The following NKAIN2 variants were observed in gnomAD, a reference collection of about 807,000 sequenced individuals.
NKAIN2 encodes the protein sodium/potassium transporting ATPase interacting 2, also known as sodium/potassium-transporting ATPase subunit beta-1-interacting protein 2.
In NKAIN2, 14 loss-of-function variants were observed where a neutral mutation model predicts 32.6. The ratio of observed to expected loss-of-function variants is 0.43; its 90% CI spans 0.28 to 0.67. NKAIN2 has a LOEUF of 0.67. Among genes scored for constraint, NKAIN2 ranks in the 30% least tolerant of loss-of-function variants. The pLI is 0.17. For synonymous variants in NKAIN2, 80 were observed against 87.2 expected (o/e 0.92, Z 0.46); for missense variants, 198 against 258.3 (o/e 0.77, Z 1.60).
chr6:124,396,846 G>T (rs1773404441), intron 3 of NKAIN2, among the ~76,000 whole-genome samples: 1 of 152,072 alleles, frequency 6.6e-6, no homozygotes, highest in African/African-American at 2.4e-5. Context: ...TTTAAAAGAT[G>T]AATTCTATTT....
chr6:124,563,916 G>A (rs1041046789), intron 3 of NKAIN2, among the ~76,000 whole-genome samples: 2 of 152,104 alleles, frequency 1.3e-5, no homozygotes, highest in African/African-American at 2.4e-5. Context: ...TCCCAGTGGC[G>A]GGAATGCAGC....
rs137927188 is a variant in NKAIN2 at position 124,089,592 on chromosome 6, C to T, written c.55-193413C>T. The stretch of plus-strand genomic sequence containing the variant: ...GTATAATTCATTTCTGCTTCCTTCT[C>T]TATACAACCAAATCAAAGCACAAGA... On this transcript the variant is annotated intron_variant, in intron 1 of 6. Coordinates refer to ENST00000368417, the MANE Select transcript of NKAIN2 (RefSeq NM_001040214.3). Among the ~76,000 whole-genome samples the T allele has an allele frequency of 4.1e-3, 623 of 152,008 alleles. 5 individuals carry two copies. Among genetic ancestry groups the T allele is most frequent in the African/African-American group, 0.014 (592 of 41,514 alleles).
At chr6:123,884,051 A>G (rs918167999) in intron 1 of NKAIN2, among the ~76,000 whole-genome samples, 3 of 151,936 alleles carry the variant, frequency 2.0e-5, no homozygotes, top group African/African-American at 4.8e-5. Flanking sequence ...ATATTATTTC[A>G]TCACCCAAGT....
intron 4 of NKAIN2, among the ~76,000 whole-genome samples, chr6:124,780,084 C>T (rs1448160627): frequency 6.6e-6 from 1 of 152,138 alleles, no homozygotes; most frequent in Non-Finnish European, 1.5e-5. Flanking sequence ...AGAAGCCAGA[C>T]ACCAAGCAAT....
intron 3 of NKAIN2, among the ~76,000 whole-genome samples, chr6:124,387,177 A>T (rs965956160): frequency 6.6e-6 from 1 of 152,178 alleles, no homozygotes; most frequent in East Asian, 1.9e-4. Flanking sequence ...ATGCATATAC[A>T]TACATACATT....
intron 2 of NKAIN2, among the ~76,000 whole-genome samples, chr6:124,301,024 G>A (rs1426630497): frequency 1.3e-5 from 2 of 152,180 alleles, no homozygotes; most frequent in Non-Finnish European, 2.9e-5. Context: ...AATGTCTCCA[G>A]GGCATGTCAG....
chr6:124,114,135 G>A (rs1785505580), intron 1 of NKAIN2, among the ~76,000 whole-genome samples: 1 of 152,158 alleles, frequency 6.6e-6, no homozygotes, highest in Non-Finnish European at 1.5e-5. Flanking sequence ...AAGTTGCTCT[G>A]CATTCTAGCT....
chr6:124,518,055 C>T (rs1778980868), intron 3 of NKAIN2, among the ~76,000 whole-genome samples: 2 of 151,718 alleles, frequency 1.3e-5, no homozygotes, highest in Non-Finnish European at 2.9e-5. Flanking sequence ...ATTTAAAATA[C>T]ATATGTTGAA....
At chr6:124,588,733 A>G (rs1239206982) in intron 3 of NKAIN2, among the ~76,000 whole-genome samples, 1 of 152,198 alleles carries the variant, frequency 6.6e-6, no homozygotes, top group Non-Finnish European at 1.5e-5. Context: ...TATTACATGC[A>G]TCACAGACTT....
chr6:124,281,073 T>G (rs1795269708), intron 1 of NKAIN2, among the ~76,000 whole-genome samples: 1 of 152,182 alleles, frequency 6.6e-6, no homozygotes, highest in Non-Finnish European at 1.5e-5. Context: ...GACTGCTATT[T>G]TCTTTCATAA....
chr6:124,672,553 G>A (rs796523627), intron 4 of NKAIN2, among the ~76,000 whole-genome samples: 76 of 152,146 alleles, frequency 5.0e-4, no homozygotes, highest in African/African-American at 1.8e-3. Flanking sequence ...AGGACCATTA[G>A]TCAGAGCATC....
At chr6:124,580,796 A>C (rs1432279320) in intron 3 of NKAIN2, among the ~76,000 whole-genome samples, 2 of 152,224 alleles carry the variant, frequency 1.3e-5, no homozygotes, top group Non-Finnish European at 2.9e-5. Context: ...ATATAGACTG[A>C]AAATAAAGGG....
intron 3 of NKAIN2, among the ~76,000 whole-genome samples, chr6:124,525,093 A>C (rs1779261873): frequency 6.6e-6 from 1 of 152,292 alleles, no homozygotes; most frequent in African/African-American, 2.4e-5. Flanking sequence ...TGTCTTTTGT[A>C]GCTCAGTGAA....
At chr6:124,656,419 T>C (rs1337378175) in intron 3 of NKAIN2, among the ~76,000 whole-genome samples, 2 of 152,176 alleles carry the variant, frequency 1.3e-5, no homozygotes, top group African/African-American at 4.8e-5. Flanking sequence ...ACCCCATCCC[T>C]ATCTCACAAC....
chr6:124,651,158 A>T (rs1246122119), intron 3 of NKAIN2, among the ~76,000 whole-genome samples: 1 of 152,132 alleles, frequency 6.6e-6, no homozygotes, highest in Non-Finnish European at 1.5e-5. Flanking sequence ...CCTATGTCCC[A>T]TCTTTTTAGT....
chr6:124,620,140 G>A lies in NKAIN2; in HGVS notation c.274-38046G>A, dbSNP rs114735433. Among the ~76,000 whole-genome samples the A allele has an allele frequency of 3.7e-3, 563 of 152,214 alleles. 3 individuals are homozygous for A. The highest frequency in any genetic ancestry group is 0.013 in the African/African-American group (551 of 41,548). ...GATGCACAGTTCCATAGACCCAGAT[G>A]ATTTCTGTAGCTTTCTGATTTTTCT... On this transcript the variant is annotated intron_variant, in intron 3 of 6. Coordinates refer to ENST00000368417, the MANE Select transcript of NKAIN2 (RefSeq NM_001040214.3).
At chr6:123,967,205 G>C (rs1047899391) in intron 1 of NKAIN2, among the ~76,000 whole-genome samples, 1 of 152,142 alleles carries the variant, frequency 6.6e-6, no homozygotes, top group South Asian at 2.1e-4. Context: ...GTTAGCTCAG[G>C]CTTTATCAGA....
intron 2 of NKAIN2, among the ~76,000 whole-genome samples, chr6:124,300,216 T>C (rs1175772314): frequency 6.6e-6 from 1 of 152,142 alleles, no homozygotes; most frequent in Non-Finnish European, 1.5e-5. Flanking sequence ...TGGAGGTCAT[T>C]TCCCCTATAC....
chr6:124,642,930 G>T (rs1016361434), intron 3 of NKAIN2, among the ~76,000 whole-genome samples: 1 of 152,072 alleles, frequency 6.6e-6, no homozygotes, highest in Non-Finnish European at 1.5e-5. Context: ...CATAGTTTCT[G>T]CTTCTCTGTA....
Sources: gnomAD v4.1 joint callset for allele counts (sites outside exome capture counted in the v4.1 genomes callset) on GRCh38, gnomAD v4.1.1 for gene constraint, MANE v1.5 for transcripts, NCBI Gene and HGNC (gene_info 2026-07-23, HGNC 2026-07-21) for gene names.